The following TFEC variants were observed in gnomAD, a reference collection of about 807,000 sequenced individuals.
TFEC encodes the protein transcription factor EC.
Under a neutral mutation model 41.6 loss-of-function variants are expected in TFEC, and 31 were observed. That is an observed-to-expected ratio of 0.74 (90% CI 0.56 to 1.01). The LOEUF (loss-of-function observed/expected upper bound fraction) is 1.01, where lower values mean the gene tolerates loss of function less well. TFEC is among the 50% of genes least tolerant of loss of function. The pLI is 0.00. For synonymous variants in TFEC, 143 were observed against 140.6 expected (o/e 1.02, Z -0.12); for missense variants, 402 against 404.1 (o/e 0.99, Z 0.04).
At chr7:116,106,074 CAT>C (rs1156636354) in intron 3 of TFEC, among the ~76,000 whole-genome samples, 24 of 152,274 alleles carry the variant, frequency 1.6e-4, no homozygotes, top group Non-Finnish European at 2.8e-4. Context: ...GAGCTTCCCA[CAT>C]AGAGTATCTC....
At chr7:116,010,328 G>A (rs965787685) in intron 1 of TFEC, among the ~76,000 whole-genome samples, 7 of 152,212 alleles carry the variant, frequency 4.6e-5, no homozygotes, top group Admixed American at 3.9e-4. Context: ...TGAGGGTCAT[G>A]TGGTGAGGGT....
chr7:116,156,166 A>G (rs1223236312), intron 1 of TFEC, among the ~76,000 whole-genome samples: 3 of 152,142 alleles, frequency 2.0e-5, no homozygotes, highest in Non-Finnish European at 1.5e-5. Context: ...TTATGTCTAC[A>G]CTGCCCCAGA....
At chr7:116,056,199 A>G (rs1053842524) in intron 3 of TFEC, among the ~76,000 whole-genome samples, 7 of 151,992 alleles carry the variant, frequency 4.6e-5, no homozygotes, top group Admixed American at 1.3e-4. Flanking sequence ...AGGTAACTCA[A>G]GAAAGAAAAG....
chr7:116,115,824 A>G (rs886365516), intron 1 of TFEC, among the ~76,000 whole-genome samples: 6 of 151,984 alleles, frequency 3.9e-5, no homozygotes, highest in African/African-American at 1.4e-4. Context: ...TGCTTCACAG[A>G]CACTTAGAGT....
At chr7:116,152,690 G>T (rs369533042) in intron 1 of TFEC, among the ~76,000 whole-genome samples, 2 of 152,166 alleles carry the variant, frequency 1.3e-5, no homozygotes, top group Non-Finnish European at 2.9e-5. Context: ...GACAAAACCA[G>T]CCTCCTCTGG....
chr7:116,037,571 A>T (rs564861172), intron 3 of TFEC, among the ~76,000 whole-genome samples: 3 of 152,130 alleles, frequency 2.0e-5, no homozygotes, highest in South Asian at 4.1e-4. Context: ...AGAAATGCGG[A>T]AGAAATTAGG....
Position 115,940,482 on chromosome 7 carries a change from C to T in TFEC, c.*69G>A, listed in dbSNP as rs1329609276. 3 of 1,478,514 alleles carry T rather than the reference C, an allele frequency of 2.0e-6. No individual in the cohort carries two copies. The highest frequency in any genetic ancestry group is 2.7e-6 in the Non-Finnish European group (3 of 1,106,660). 91.6% of individuals were successfully genotyped at this position (1,478,514 alleles called of 1,614,324 possible). A position where few individuals can be genotyped will look rare whatever the true frequency, so the allele number is the denominator to read the frequency against. ...AAATAAGCCAAAGCAACATATGAAA[C>T]ACAGAGCATAATTGCATAGCACCAG... On this transcript the variant is annotated 3_prime_UTR_variant, in exon 8 of 8. Transcript: ENST00000265440.
At chr7:115,950,772 C>G in intron 6 of TFEC, 102 bp downstream of exon 6, 1 of 806,278 alleles carries the variant, frequency 1.2e-6, no homozygotes, top group Non-Finnish European at 1.9e-6. Flanking sequence ...CTATAAGCTG[C>G]TTAGTTTCCT....
chr7:116,007,402 T>C (rs1224254974), intron 1 of TFEC, among the ~76,000 whole-genome samples: 1 of 152,216 alleles, frequency 6.6e-6, no homozygotes, highest in African/African-American at 2.4e-5. Context: ...TAAATGTTAT[T>C]AACTTACCTA....
chr7:116,077,742 GA>G (rs1796993561), intron 3 of TFEC, among the ~76,000 whole-genome samples: 1 of 151,782 alleles, frequency 6.6e-6, no homozygotes, highest in Non-Finnish European at 1.5e-5. Context: ...CCTAAATATA[GA>G]TGCACCTAAC....
intron 3 of TFEC, among the ~76,000 whole-genome samples, chr7:116,079,445 A>G (rs982796881): frequency 2.6e-5 from 4 of 152,112 alleles, no homozygotes; most frequent in Non-Finnish European, 5.9e-5. Flanking sequence ...AGACTCATCC[A>G]AAAAGCTCCT....
intron 2 of TFEC, among the ~76,000 whole-genome samples, chr7:115,980,135 T>C (rs770051506): frequency 1.3e-5 from 2 of 152,210 alleles, no homozygotes; most frequent in Non-Finnish European, 2.9e-5. Flanking sequence ...TGCATTTTTC[T>C]CAGCTTCACA....
At chr7:116,106,523 C>T (rs1227559035) in intron 3 of TFEC, among the ~76,000 whole-genome samples, 1 of 152,178 alleles carries the variant, frequency 6.6e-6, no homozygotes, top group Non-Finnish European at 1.5e-5. Context: ...GCTGGGACTA[C>T]AGGCACATGC....
Position 115,940,664 on chromosome 7 carries a change from C to T in TFEC, c.931G>A (p.Asp311Asn). Reference sequence around the variant, plus strand: ...TCTGTTCCAAATGGAGAGATTGTGTCATCCAATAGCATGCCATCCAATCTT... The same window carrying T: ...TCTGTTCCAAATGGAGAGATTGTGTTATCCAATAGCATGCCATCCAATCTT... The part of the protein sequence containing the change: ...EQRLDGMLLD[D>N]TISPFGTDPL... The change falls in exon 8 of 8, where the codon GAC (aspartate) becomes AAC (asparagine). Residue 311 changes from aspartate (D) to asparagine (N), a missense_variant. Transcript: ENST00000265440. The T allele has an allele frequency of 6.2e-7, 1 of 1,613,594 alleles. No individual in the cohort carries two copies. Among genetic ancestry groups the T allele is most frequent in the Non-Finnish European group, 8.5e-7 (1 of 1,179,644 alleles).
Position 115,940,150 on chromosome 7 carries a change from T to C in TFEC, c.*401A>G. The C allele has an allele frequency of 6.4e-6, 1 of 156,022 alleles. No individual in the cohort carries two copies. Among genetic ancestry groups the C allele is most frequent in the Non-Finnish European group, 1.4e-5 (1 of 70,600 alleles). The allele number at this position is 156,022 out of a possible 1,614,324, so 9.7% of individuals were successfully genotyped here. A position where few individuals can be genotyped will look rare whatever the true frequency, so the allele number is the denominator to read the frequency against. On this transcript the variant is annotated 3_prime_UTR_variant, in exon 8 of 8. Transcript: ENST00000265440. ...GATTCCGGAAGACTGATGTGAAAGT[T>C]GAAGAGAAGATGGAAATGAGTAACT...
At chr7:115,950,599 C>T (rs966097722) in intron 6 of TFEC, among the ~76,000 whole-genome samples, 2 of 152,044 alleles carry the variant, frequency 1.3e-5, no homozygotes, top group African/African-American at 4.8e-5. Context: ...CTAAATTTGA[C>T]AATATTGTCA....
intron 1 of TFEC, among the ~76,000 whole-genome samples, chr7:116,018,744 G>A (rs1353833164): frequency 1.3e-5 from 2 of 152,208 alleles, no homozygotes; most frequent in Non-Finnish European, 2.9e-5. Flanking sequence ...TTGAATGAGA[G>A]AAGTGAAATG....
intron 3 of TFEC, among the ~76,000 whole-genome samples, chr7:116,060,372 A>G (rs1796524989): frequency 6.6e-6 from 1 of 152,192 alleles, no homozygotes; most frequent in Non-Finnish European, 1.5e-5. Flanking sequence ...ATATATACCC[A>G]GATGAATATA....
At chr7:116,053,946 A>G (rs1212566943) in intron 3 of TFEC, among the ~76,000 whole-genome samples, 5 of 152,206 alleles carry the variant, frequency 3.3e-5, no homozygotes, top group African/African-American at 4.8e-5. Flanking sequence ...TTATTTATTC[A>G]TCATAATAAC....
Sources: allele counts gnomAD v4.1 joint callset (sites outside exome capture counted in the v4.1 genomes callset), GRCh38; gene constraint gnomAD v4.1.1; transcripts MANE v1.5; gene names NCBI Gene and HGNC (gene_info 2026-07-23, HGNC 2026-07-21).